Variants in VRK1 observed in about 807,000 individuals in gnomAD.
VRK1 encodes VRK serine/threonine kinase 1, also known as serine/threonine-protein kinase VRK1.
A neutral mutation model predicts 57.1 loss-of-function variants in VRK1; 33 were observed. The ratio of observed to expected loss-of-function variants is 0.58; its 90% confidence interval spans 0.44 to 0.77. The LOEUF is 0.77. Among genes scored for constraint, VRK1 ranks in the 30% least tolerant of loss-of-function variants. VRK1 has a pLI of 0.00. For synonymous variants in VRK1, 137 were observed against 147.8 expected (o/e 0.93, Z 0.53); for missense variants, 413 against 477.3 (o/e 0.87, Z 1.25).
intron 3 of VRK1, among the ~76,000 whole-genome samples, chr14:96,838,874 A>G (rs184278280): frequency 2.6e-5 from 4 of 151,836 alleles, no homozygotes; most frequent in Non-Finnish European, 5.9e-5. Flanking sequence ...TGATTTTTAA[A>G]CTTTTTTAAA....
In VRK1 at chr14:96,846,051, T is replaced by A. The variant is rs1216319095; in HGVS notation, c.217-44T>A. 5.9e-6 allele frequency: 9 copies of A among 1,524,204 alleles called. No individual in the cohort carries two copies. In the Middle Eastern group the frequency reaches 1.4e-3, roughly 231 times the overall value. 94.4% of individuals were successfully genotyped at this position (1,524,204 alleles called of 1,614,324 possible). A position where few individuals can be genotyped will look rare whatever the true frequency, so the allele number is the denominator to read the frequency against. ...TGAAGGTTCATTGAAAATATCTCAG[T>A]AATTTTAACTACTGCTAGTACTAAT... On this transcript the variant is annotated intron_variant, in intron 3 of 12. Coordinates refer to ENST00000216639, the MANE Select transcript of VRK1 (RefSeq NM_003384.3).
In VRK1 at chr14:96,844,785, G is replaced by A. The variant is rs557398390; in HGVS notation, c.217-1310G>A. On this transcript the variant is annotated intron_variant, in intron 3 of 12. Coordinates refer to ENST00000216639, the MANE Select transcript of VRK1 (RefSeq NM_003384.3). Reference sequence around the variant, plus strand: ...TTGAACTCCTGACCTCAAGTGATCCGCCCGTCTTGGCCTCCCAAAGTGCTG... The same window carrying A: ...TTGAACTCCTGACCTCAAGTGATCCACCCGTCTTGGCCTCCCAAAGTGCTG... Among the ~76,000 whole-genome samples the A allele has an allele frequency of 1.5e-4, 23 of 152,162 alleles. No individual in the cohort carries two copies. The South Asian group carries it at 2.9e-3, about 19-fold the overall frequency.
chr14:96,870,678 CAA>C (rs1888786377), intron 11 of VRK1, among the ~76,000 whole-genome samples: 1 of 152,148 alleles, frequency 6.6e-6, no homozygotes, highest in East Asian at 1.9e-4. Flanking sequence ...TTACGGTTTT[CAA>C]AAGTGTCATT....
chr14:96,861,829 T>C (rs993992647), intron 11 of VRK1, among the ~76,000 whole-genome samples: 1 of 133,474 alleles, frequency 7.5e-6, no homozygotes, highest in Non-Finnish European at 1.7e-5. Flanking sequence ...TGCTGAAAAC[T>C]GTATCTGTTT....
chr14:96,864,991 T>C (rs1261476887), intron 11 of VRK1, among the ~76,000 whole-genome samples: 2 of 151,296 alleles, frequency 1.3e-5, no homozygotes, highest in African/African-American at 2.4e-5. Flanking sequence ...ATGTAAACAA[T>C]GTATGTGTTG....
At chr14:96,816,565 C>T (rs1886402501) in intron 1 of VRK1, among the ~76,000 whole-genome samples, 1 of 152,146 alleles carries the variant, frequency 6.6e-6, no homozygotes, top group Admixed American at 6.5e-5. Context: ...CCATGGTGCC[C>T]TGTGGTGTGT....
intron 11 of VRK1, 80 bp downstream of exon 11, chr14:96,860,815 G>A (rs1229888269): frequency 6.8e-7 from 1 of 1,478,718 alleles, no homozygotes; most frequent in Non-Finnish European, 9.3e-7. Context: ...TATAGCAGTA[G>A]TTCAATGAAG....
In VRK1 at chr14:96,881,252, G is replaced by A. The variant is rs1266787454; in HGVS notation, c.*44G>A. On this transcript the variant is annotated 3_prime_UTR_variant, in exon 13 of 13. Coordinates refer to ENST00000216639, the MANE Select transcript of VRK1 (RefSeq NM_003384.3). ...GATTTCCTTTTCTTTGTTTTCTTTT[G>A]ACTTTTTTCTCCTTTTCTATTTGAA... 1.3e-6 allele frequency: 2 copies of A among 1,548,324 alleles called. No individual in the cohort carries two copies. Among genetic ancestry groups the A allele is most frequent in the Non-Finnish European group, 1.8e-6 (2 of 1,136,096 alleles).
intron 8 of VRK1, among the ~76,000 whole-genome samples, chr14:96,855,839 A>G (rs917473212): frequency 1.3e-5 from 2 of 152,210 alleles, no homozygotes; most frequent in Admixed American, 6.5e-5. Context: ...AATATCTTCA[A>G]GTTTTCCAAA....
At chr14:96,829,024 A>G (rs1480262337) in intron 1 of VRK1, among the ~76,000 whole-genome samples, 1 of 152,188 alleles carries the variant, frequency 6.6e-6, no homozygotes, top group Admixed American at 6.5e-5. Flanking sequence ...GCAGCTGAGT[A>G]TATTTCAGTG....
chr14:96,839,936 C>T (rs1301065397), intron 3 of VRK1, among the ~76,000 whole-genome samples: 1 of 152,124 alleles, frequency 6.6e-6, no homozygotes, highest in Non-Finnish European at 1.5e-5. Flanking sequence ...ACTTTGTATT[C>T]TTAACATACA....
intron 1 of VRK1, among the ~76,000 whole-genome samples, chr14:96,809,454 T>C (rs1056279860): frequency 2.6e-4 from 40 of 152,216 alleles, no homozygotes; most frequent in Non-Finnish European, 7.4e-5. Flanking sequence ...CATATACTTA[T>C]GTATATGTAT....
At chr14:96,810,853 T>C (rs1295660496) in intron 1 of VRK1, among the ~76,000 whole-genome samples, 2 of 152,218 alleles carry the variant, frequency 1.3e-5, no homozygotes, top group South Asian at 4.1e-4. Context: ...CCAGTTCGAA[T>C]GTGCTATCTA....
chr14:96,834,022 C>T (rs1887117250), intron 2 of VRK1, among the ~76,000 whole-genome samples: 1 of 152,066 alleles, frequency 6.6e-6, no homozygotes, highest in South Asian at 2.1e-4. Context: ...GTGTGAGTTT[C>T]TTTTTTCTTT....
chr14:96,868,303 G>A (rs929878410), intron 11 of VRK1, among the ~76,000 whole-genome samples: 2 of 152,072 alleles, frequency 1.3e-5, no homozygotes, highest in African/African-American at 4.8e-5. Context: ...AAATTCACCT[G>A]GGAGCTTTTA....
At chr14:96,805,166 T>G (rs1885821896) in intron 1 of VRK1, among the ~76,000 whole-genome samples, 1 of 152,226 alleles carries the variant, frequency 6.6e-6, no homozygotes, top group African/African-American at 2.4e-5. Context: ...GTCCTGATAC[T>G]TGTATGTGAA....
At chr14:96,866,348 G>A (rs1233978246) in intron 11 of VRK1, among the ~76,000 whole-genome samples, 1 of 152,052 alleles carries the variant, frequency 6.6e-6, no homozygotes, top group South Asian at 2.1e-4. Context: ...TATTTGCTTC[G>A]GTTCTCTGCC....
At chr14:96,834,195 TAAA>T (rs1566697150) in intron 2 of VRK1, among the ~76,000 whole-genome samples, 2 of 152,176 alleles carry the variant, frequency 1.3e-5, no homozygotes, top group Admixed American at 6.5e-5. Flanking sequence ...ATTATGGACT[TAAA>T]AAATATTTTA....
intron 3 of VRK1, among the ~76,000 whole-genome samples, chr14:96,840,112 A>G (rs1445208521): frequency 6.6e-6 from 1 of 152,082 alleles, no homozygotes; most frequent in Non-Finnish European, 1.5e-5. Context: ...TGATTTTGGT[A>G]GCAGAGTTCT....
Sources: gnomAD v4.1 joint callset for allele counts (sites outside exome capture counted in the v4.1 genomes callset) on GRCh38, gnomAD v4.1.1 for gene constraint, MANE v1.5 for transcripts, NCBI Gene and HGNC (gene_info 2026-07-23, HGNC 2026-07-21) for gene names.